The following ROBO1 variants were observed in gnomAD, a reference collection of about 807,000 sequenced individuals.
ROBO1 encodes the protein roundabout guidance receptor 1.
Under a neutral mutation model 195.9 loss-of-function variants are expected in ROBO1, and 149 were observed. The ratio of observed to expected loss-of-function variants is 0.76; its 90% confidence interval spans 0.67 to 0.87. ROBO1 has a LOEUF of 0.87. Ranked by LOEUF, ROBO1 falls within the 40% of genes least tolerant of loss-of-function variation. ROBO1 has a pLI of 0.00. For missense variants in ROBO1, 1,933 were observed against 2,068.3 expected, an observed-to-expected ratio of 0.93 and a Z score of 1.27; for synonymous variants, 816 against 733.2, an observed-to-expected ratio of 1.11 and a Z score of -1.82.
chr3:79,162,555 T>C (rs905403918), intron 2 of ROBO1, among the ~76,000 whole-genome samples: 1 of 152,152 alleles, frequency 6.6e-6, no homozygotes, highest in Non-Finnish European at 1.5e-5. Context: ...CAATCATCTA[T>C]CAATCCAAAA....
intron 2 of ROBO1, among the ~76,000 whole-genome samples, chr3:79,278,595 T>C (rs923733948): frequency 4.6e-5 from 7 of 152,072 alleles, no homozygotes; most frequent in African/African-American, 1.7e-4. Flanking sequence ...GGAGAAAGGG[T>C]AGTCTTTTCA....
intron 2 of ROBO1, among the ~76,000 whole-genome samples, chr3:79,488,209 G>A (rs1186879410): frequency 6.6e-6 from 1 of 152,136 alleles, no homozygotes; most frequent in African/African-American, 2.4e-5. Flanking sequence ...TCTTTGAGAG[G>A]TAAAATTGTA....
chr3:79,734,991 G>A (rs1368708496), intron 1 of ROBO1, among the ~76,000 whole-genome samples: 1 of 152,162 alleles, frequency 6.6e-6, no homozygotes, highest in Non-Finnish European at 1.5e-5. Flanking sequence ...GCTCTGAATC[G>A]TAACAACCCC....
chr3:79,714,539 C>A (rs560168082), intron 1 of ROBO1, among the ~76,000 whole-genome samples: 124 of 151,962 alleles, frequency 8.2e-4, no homozygotes, highest in Non-Finnish European at 1.7e-3. Context: ...GCTATAAAGA[C>A]ACATGCACAT....
chr3:78,695,625 C>CAAAA (rs1172592248), intron 8 of ROBO1, among the ~76,000 whole-genome samples: 2 of 54,470 alleles, frequency 3.7e-5, no homozygotes, highest in African/African-American at 7.2e-5. Context: ...ACTCTTGTCT[C>CAAAA]AAAAAAAAAA....
intron 3 of ROBO1, among the ~76,000 whole-genome samples, chr3:78,971,977 AG>A (rs1336671809): frequency 6.6e-6 from 1 of 152,206 alleles, no homozygotes; most frequent in Non-Finnish European, 1.5e-5. Context: ...TATGTTGGCC[AG>A]GCTGGTCTCG....
intron 4 of ROBO1, among the ~76,000 whole-genome samples, chr3:78,847,719 G>A (rs1240727991): frequency 1.3e-5 from 2 of 151,972 alleles, no homozygotes; most frequent in Non-Finnish European, 2.9e-5. Context: ...TAAAGATAAG[G>A]GCCCTAATTT....
intron 2 of ROBO1, among the ~76,000 whole-genome samples, chr3:79,521,873 A>G (rs571569887): frequency 6.5e-4 from 99 of 152,116 alleles, no homozygotes; most frequent in Non-Finnish European, 1.2e-3. Flanking sequence ...TGTGCCTTGG[A>G]TATCTGTGTC....
intron 3 of ROBO1, among the ~76,000 whole-genome samples, chr3:78,948,983 A>G (rs1406242914): frequency 1.3e-5 from 2 of 150,880 alleles, no homozygotes; most frequent in African/African-American, 2.5e-5. Flanking sequence ...AAGGAGAACT[A>G]CAAACCACTG....
chr3:79,185,905 A>C (rs952389117), intron 2 of ROBO1, among the ~76,000 whole-genome samples: 2 of 152,102 alleles, frequency 1.3e-5, no homozygotes, highest in African/African-American at 4.8e-5. Flanking sequence ...ATAATGTGTA[A>C]ATTTTATGTC....
In ROBO1 at chr3:78,949,402, C is replaced by T. The variant is rs1240080719; in HGVS notation, c.173-10475G>A. 3.3e-3 allele frequency among the ~76,000 whole-genome samples: 476 copies of T among 145,190 alleles called. 2 individuals carry two copies. The highest frequency in any genetic ancestry group is 0.011 in the African/African-American group (450 of 39,426). On this transcript the variant is annotated intron_variant, in intron 3 of 30. Transcript: ENST00000464233. ...CTTTGACAAACCTGACAAAAACAAG[C>T]AATGGGGAAAGGATTCCCTATTTAA...
At chr3:78,677,644 C>A (rs540927033) in intron 10 of ROBO1, among the ~76,000 whole-genome samples, 2 of 151,714 alleles carry the variant, frequency 1.3e-5, no homozygotes, top group South Asian at 2.1e-4. Context: ...TATATATGCA[C>A]CCAATACAGG....
At chr3:79,273,087 C>T (rs908225029) in intron 2 of ROBO1, among the ~76,000 whole-genome samples, 7 of 152,012 alleles carry the variant, frequency 4.6e-5, no homozygotes, top group African/African-American at 1.4e-4. Flanking sequence ...CAACACCAGA[C>T]CTACCTTATA....
chr3:78,799,725 T>C (rs2084306490), intron 4 of ROBO1, among the ~76,000 whole-genome samples: 1 of 152,114 alleles, frequency 6.6e-6, no homozygotes, highest in Non-Finnish European at 1.5e-5. Context: ...CTACTGGATT[T>C]CCTCCACCTA....
intron 1 of ROBO1, among the ~76,000 whole-genome samples, chr3:79,764,181 C>T (rs1167155502): frequency 2.0e-5 from 3 of 152,192 alleles, no homozygotes; most frequent in African/African-American, 7.2e-5. Context: ...GTGACTAACA[C>T]TGTTTCTACA....
intron 2 of ROBO1, among the ~76,000 whole-genome samples, chr3:79,584,650 C>A (rs1446030934): frequency 1.4e-5 from 2 of 144,174 alleles, no homozygotes; most frequent in African/African-American, 5.3e-5. Flanking sequence ...TGTTCATACA[C>A]ACACACACAC....
chr3:79,176,808 C>T (rs571750049), intron 2 of ROBO1, among the ~76,000 whole-genome samples: 1 of 152,216 alleles, frequency 6.6e-6, no homozygotes, highest in South Asian at 2.1e-4. Context: ...ATTCAGAATG[C>T]TACAATATAT....
chr3:78,950,018 C>A (rs2040684148), intron 3 of ROBO1, among the ~76,000 whole-genome samples: 1 of 152,090 alleles, frequency 6.6e-6, no homozygotes, highest in East Asian at 1.9e-4. Context: ...ACAACAGGTG[C>A]TGGAGAGGAT....
At chr3:79,094,654 T>C (rs1319631180) in intron 3 of ROBO1, among the ~76,000 whole-genome samples, 1 of 152,156 alleles carries the variant, frequency 6.6e-6, no homozygotes, top group Non-Finnish European at 1.5e-5. Flanking sequence ...TTTTAAATAC[T>C]AATGTTCTTT....
Sources: allele counts gnomAD v4.1 joint callset (sites outside exome capture counted in the v4.1 genomes callset), GRCh38; gene constraint gnomAD v4.1.1; transcripts MANE v1.5; gene names NCBI Gene and HGNC (gene_info 2026-07-23, HGNC 2026-07-21).